The following CFAP46 variants were observed in gnomAD, a reference collection of about 807,000 sequenced individuals.
CFAP46 encodes the protein cilia- and flagella-associated protein 46.
A neutral mutation model predicts 325.7 loss-of-function variants in CFAP46; 245 were observed. The observed-to-expected ratio is 0.75, with a 90% CI of 0.68 to 0.84. CFAP46 has a LOEUF of 0.84. Among genes scored for constraint, CFAP46 ranks in the 40% least tolerant of loss-of-function variants. CFAP46 has a pLI of 0.00. For missense variants in CFAP46, 3,346 were observed against 3,543.0 expected, an observed-to-expected ratio of 0.94 and a Z score of 1.41; for synonymous variants, 1,523 against 1,495.9, an observed-to-expected ratio of 1.02 and a Z score of -0.42.
At chr10:132,815,383 T>C (rs1015779262) in intron 50 of CFAP46, among the ~76,000 whole-genome samples, 2 of 152,192 alleles carry the variant, frequency 1.3e-5, no homozygotes, top group African/African-American at 4.8e-5. Context: ...TGCTGGGGCC[T>C]CCAGCAGACA....
rs1305823600 is a variant in CFAP46, at chr10:132,886,670, A to T, written c.3305-711T>A. 6.6e-6 allele frequency among the ~76,000 whole-genome samples: 1 copy of T among 152,054 alleles called. No individual in the cohort carries two copies. The highest frequency in any genetic ancestry group is 1.5e-5 in the Non-Finnish European group (1 of 67,978). On this transcript the variant is annotated intron_variant, in intron 25 of 57. Coordinates refer to ENST00000368586, the MANE Select transcript of CFAP46 (RefSeq NM_001200049.3). The surrounding 1 kb of genome is among the most constrained non-coding windows in gnomAD (Gnocchi z 5.8). ...GAACACAGGGCCGCATCCCTCACAC[A>T]TCCCCAGTGAGCACAGAACCCAGCC...
intron 43 of CFAP46, among the ~76,000 whole-genome samples, 166 bp from the exon 44 acceptor site, chr10:132,846,393 G>A (rs1341458782): frequency 2.0e-5 from 3 of 152,188 alleles, no homozygotes; most frequent in Admixed American, 6.5e-5. Flanking sequence ...GCAGAGTCGC[G>A]TGGGGCCACG....
Position 132,810,449 on chromosome 10 carries a change from A to G in CFAP46, c.7624T>C (p.Ser2542Pro), listed in dbSNP as rs1256142951. The G allele has an allele frequency of 1.2e-6, 2 of 1,613,436 alleles. No homozygotes were observed. The highest frequency in any genetic ancestry group is 2.7e-5 in the African/African-American group (2 of 74,888). ...RWEANWRNSA[S>P]PSEDEWRRGG... Reference sequence around the variant, plus strand: ...CGTCGCCACTCATCTTCTGAAGGAGACGCACTGTTTCTCCAATTGGCTTCC... The same window carrying G: ...CGTCGCCACTCATCTTCTGAAGGAGGCGCACTGTTTCTCCAATTGGCTTCC... The change falls in exon 57 of 58, where the codon TCT becomes CCT. Residue 2542 changes from serine (S) to proline (P), a missense_variant. Transcript: ENST00000368586.
At position 132,884,586 on chromosome 10, in the gene CFAP46, C is replaced by T. The variant is rs1419168281; in HGVS notation, c.3627+517G>A. Among the ~76,000 whole-genome samples the T allele has an allele frequency of 3.9e-5, 6 of 152,144 alleles. No homozygotes were observed. The highest frequency in any genetic ancestry group is 1.4e-4 in the African/African-American group (6 of 41,442). Reference sequence around the variant, plus strand: ...CCCCTGACAAGCAGAGGCATCAAATCAACGCCAAAGCACCCACCTCCTCCT... The same window carrying T: ...CCCCTGACAAGCAGAGGCATCAAATTAACGCCAAAGCACCCACCTCCTCCT... On this transcript the variant is annotated intron_variant, in intron 27 of 57. Coordinates refer to ENST00000368586, the MANE Select transcript of CFAP46 (RefSeq NM_001200049.3). The surrounding 1 kb of genome is among the most constrained non-coding windows in gnomAD (Gnocchi z 5.4).
intron 32 of CFAP46, among the ~76,000 whole-genome samples, chr10:132,870,370 C>T (rs982357875): frequency 3.9e-5 from 6 of 152,044 alleles, no homozygotes; most frequent in Non-Finnish European, 5.9e-5. Context: ...ACGTCTCTCA[C>T]GTTAAAGAAA....
intron 23 of CFAP46, 58 bp downstream of exon 23, chr10:132,899,476 AG>A: frequency 6.7e-7 from 1 of 1,486,014 alleles, no homozygotes; most frequent in Non-Finnish European, 9.0e-7. Flanking sequence ...TGGTGAGCAC[AG>A]GGGTCCCGCA....
At chr10:132,917,700 C>G (rs1473472571) in intron 16 of CFAP46, among the ~76,000 whole-genome samples, 1 of 152,182 alleles carries the variant, frequency 6.6e-6, no homozygotes, top group African/African-American at 2.4e-5. Flanking sequence ...TCCCAAGAAT[C>G]CAGGAAGTTT....
intron 44 of CFAP46, among the ~76,000 whole-genome samples, chr10:132,843,687 C>T (rs1478809794): frequency 1.4e-5 from 2 of 142,802 alleles, no homozygotes; most frequent in African/African-American, 2.7e-5. Flanking sequence ...TGCTGTGGGG[C>T]TGCTGCTGGT....
intron 35 of CFAP46, among the ~76,000 whole-genome samples, chr10:132,863,894 CA>C (rs1408322683): frequency 6.9e-6 from 1 of 143,944 alleles, no homozygotes; most frequent in Non-Finnish European, 1.5e-5. Context: ...GAGACCTGCA[CA>C]CACCTGTCCC....
Position 132,814,561 on chromosome 10 carries a change from C to T in CFAP46, c.7285+16G>A. The T allele has an allele frequency of 1.3e-6, 2 of 1,556,108 alleles. No individual in the cohort carries two copies. The highest frequency in any genetic ancestry group is 1.2e-5 in the South Asian group (1 of 84,618). ...GCTGGCGTGTGCCTGAACAGGGAGC[C>T]CTGTGCAGCACCCACCTGGGCCCTG... On this transcript the variant is annotated intron_variant, in intron 53 of 57. Coordinates refer to ENST00000368586, the MANE Select transcript of CFAP46 (RefSeq NM_001200049.3).
rs1387811940 is a variant in CFAP46 at position 132,851,208 on chromosome 10, T to C, written c.5672A>G (p.Glu1891Gly). 1 of 1,613,982 alleles carries C rather than the reference T, an allele frequency of 6.2e-7. No individual in the cohort carries two copies. Among genetic ancestry groups the C allele is most frequent in the African/African-American group, 1.3e-5 (1 of 74,924 alleles). ...CTGCTCACTCTGCTGCCCGTGGGCC[T>C]CCTCCCAGATGAACTGGAGCATGTC... ...ALDMLQFIWE[E>G]AHGQQSEQGS... Residue 1891 changes from glutamate (E) to glycine (G), a missense_variant, in exon 40 of 58, where the codon GAG (glutamate) becomes GGG (glycine). Coordinates refer to ENST00000368586, the MANE Select transcript of CFAP46 (RefSeq NM_001200049.3).
In CFAP46 at chr10:132,886,388, G is replaced by A. The variant is rs1849131346; in HGVS notation, c.3305-429C>T. Among the ~76,000 whole-genome samples the A allele has an allele frequency of 6.6e-6, 1 of 152,194 alleles. No individual in the cohort carries two copies. ...GGAGTCCTCATGCTTGGTGCCCGCA[G>A]CACGGGAACAATCCCCGAGTCTCCA... On this transcript the variant is annotated intron_variant, in intron 25 of 57. Coordinates refer to ENST00000368586, the MANE Select transcript of CFAP46 (RefSeq NM_001200049.3). The surrounding 1 kb of genome is among the most constrained non-coding windows in gnomAD (Gnocchi z 5.8).
chr10:132,905,450 C>CTTTT lies in CFAP46; in HGVS notation c.2924+3014_2924+3017dup, dbSNP rs71013581. ...ATTTCTAGCATCCCACATATCTTTC[C>CTTTT]TTTTTTTTTTTTTTTTTGGTTTACT... On this transcript the variant is annotated intron_variant, in intron 22 of 57. Transcript: ENST00000368586. Among the ~76,000 whole-genome samples, 267 of 130,026 alleles carry CTTTT rather than the reference C, an allele frequency of 2.1e-3. 2 individuals carry two copies. Among genetic ancestry groups the CTTTT allele is most frequent in the African/African-American group, 7.2e-3 (247 of 34,238 alleles). The allele number at this position is 130,026 out of a possible 152,430, so 85.3% of individuals were successfully genotyped here.
chr10:132,941,807 C>T lies in CFAP46; in HGVS notation c.175-85G>A, dbSNP rs887135778. On this transcript the variant is annotated intron_variant, in intron 2 of 57. Transcript: ENST00000368586. Reference sequence around the variant, plus strand: ...AAGCACCACGGGCCCGCTTTCAGAACAGGCCCCCAGCACAGGTGGAGCCTG... The same window carrying T: ...AAGCACCACGGGCCCGCTTTCAGAATAGGCCCCCAGCACAGGTGGAGCCTG... 1.3e-5 allele frequency: 21 copies of T among 1,583,462 alleles called. No individual in the cohort carries two copies. In the South Asian group the frequency reaches 2.3e-4, roughly 17 times the overall value.
chr10:132,860,819 G>A lies in CFAP46; in HGVS notation c.5054C>T (p.Ala1685Val), dbSNP rs556734656. Residue 1685 changes from alanine (A) to valine (V), a missense_variant, in exon 36 of 58, where the codon GCG becomes GTG. Transcript: ENST00000368586. ...WYNSTLTLAE[A>V]LLSMEHSGRE... is the part of the protein sequence containing the mutation. The stretch of plus-strand genomic sequence containing the variant: ...TCCTGAGTGTTCCATGGACAAGAGC[G>A]CCTCTGCCAGGGTCAGAGTGGAATT... 2.1e-5 allele frequency: 33 copies of A among 1,551,104 alleles called. No homozygotes were observed. Among genetic ancestry groups the A allele is most frequent in the South Asian group, 7.1e-5 (6 of 84,062 alleles).
intron 19 of CFAP46, among the ~76,000 whole-genome samples, chr10:132,912,265 C>T (rs1849553561): frequency 9.1e-6 from 1 of 109,728 alleles, no homozygotes; most frequent in Admixed American, 1.0e-4. Flanking sequence ...TCTTCCCTCT[C>T]CTCTCTCTTC....
intron 24 of CFAP46, among the ~76,000 whole-genome samples, chr10:132,895,942 C>CAT (rs1564793239): frequency 1.7e-5 from 1 of 58,074 alleles, no homozygotes; most frequent in Non-Finnish European, 2.9e-5. Flanking sequence ...CTCTGTGTGC[C>CAT]ATGAGACACG....
At chr10:132,940,629 G>A (rs1322241593) in intron 4 of CFAP46, among the ~76,000 whole-genome samples, 1 of 152,008 alleles carries the variant, frequency 6.6e-6, no homozygotes, top group Admixed American at 6.5e-5. Flanking sequence ...CCAGGCTGGA[G>A]TGCAGTGGCG....
chr10:132,819,366 G>A (rs2134810378), intron 50 of CFAP46, among the ~76,000 whole-genome samples: 1 of 152,282 alleles, frequency 6.6e-6, no homozygotes, highest in Non-Finnish European at 1.5e-5. Context: ...AATTCCAATG[G>A]CATTTTTGAC....
Sources: allele counts gnomAD v4.1 joint callset (sites outside exome capture counted in the v4.1 genomes callset), GRCh38; gene constraint gnomAD v4.1.1; non-coding constraint Gnocchi (gnomAD v3.1); transcripts MANE v1.5; gene names NCBI Gene and HGNC (gene_info 2026-07-23, HGNC 2026-07-21).